ITPRID1: variants seen among roughly 807,000 people sequenced by gnomAD.
ITPRID1 encodes the protein ITPR interacting domain containing 1, also known as protein ITPRID1.
A neutral mutation model predicts 95.4 loss-of-function variants in ITPRID1; 96 were observed. That is an observed-to-expected ratio of 1.01 (90% CI 0.85 to 1.19). The LOEUF is 1.19. Among genes scored for constraint, ITPRID1 ranks in the 50% most tolerant of loss-of-function variants. The pLI is 0.00. For missense variants in ITPRID1, 1,339 were observed against 1,252.9 expected, an observed-to-expected ratio of 1.07 and a Z score of -1.04; for synonymous variants, 510 against 453.6, an observed-to-expected ratio of 1.12 and a Z score of -1.58.
intron 5 of ITPRID1, among the ~76,000 whole-genome samples, chr7:31,558,165 C>CAGAG (rs1165202383): frequency 6.6e-6 from 1 of 152,120 alleles, no homozygotes; most frequent in African/African-American, 2.4e-5. Context: ...CTGCCTTCCA[C>CAGAG]CATGGAATGA....
At chr7:31,598,443 A>G (rs1346053661) in intron 10 of ITPRID1, among the ~76,000 whole-genome samples, 61 of 121,856 alleles carry the variant, frequency 5.0e-4, no homozygotes, top group East Asian at 6.8e-4. Flanking sequence ...TCGCTCTGTC[A>G]CCCAGGCTGG....
At chr7:31,531,884 G>A (rs2128130372) in intron 1 of ITPRID1, among the ~76,000 whole-genome samples, 1 of 152,054 alleles carries the variant, frequency 6.6e-6, no homozygotes, top group South Asian at 2.1e-4. Context: ...TTTTGGGTCA[G>A]GGAGATGAGG....
At chr7:31,603,520 G>A (rs944183949) in intron 10 of ITPRID1, among the ~76,000 whole-genome samples, 15 of 152,066 alleles carry the variant, frequency 9.9e-5, no homozygotes, top group Middle Eastern at 3.4e-3. Flanking sequence ...ATTCACTCTC[G>A]AATGAAAGGG....
At position 31,643,630 on chromosome 7, in the gene ITPRID1, G is replaced by T; in HGVS notation, c.2260G>T (p.Ala754Ser). 1 of 1,614,038 alleles carries T rather than the reference G, an allele frequency of 6.2e-7. No homozygotes were observed. The highest frequency in any genetic ancestry group is 8.5e-7 in the Non-Finnish European group (1 of 1,179,900). The change falls in exon 12 of 15, where the codon GCA becomes TCA. Residue 754 changes from alanine to serine, a missense_variant. By Grantham distance (99) the Ala-to-Ser change is moderately conservative. Coordinates refer to ENST00000615280, the MANE Select transcript of ITPRID1 (RefSeq NM_001257967.3). ...TATETRLGTK[A>S]RQLNDASIQT... Reference sequence around the variant, plus strand: ...AACAGAAACAAGACTGGGGACAAAAGCAAGACAGTTAAATGATGCTTCCAT... The same window carrying T: ...AACAGAAACAAGACTGGGGACAAAATCAAGACAGTTAAATGATGCTTCCAT...
intron 1 of ITPRID1, among the ~76,000 whole-genome samples, chr7:31,537,711 A>G (rs1346897336): frequency 6.6e-6 from 1 of 152,206 alleles, no homozygotes; most frequent in Non-Finnish European, 1.5e-5. Flanking sequence ...CTTCATAATA[A>G]AAATAATTCA....
intron 10 of ITPRID1, among the ~76,000 whole-genome samples, chr7:31,617,598 G>A (rs1000831050): frequency 4.6e-5 from 7 of 152,032 alleles, no homozygotes; most frequent in African/African-American, 1.7e-4. Context: ...ATTAACAGCA[G>A]CTCTTTAGAG....
At position 31,652,515 on chromosome 7, in the gene ITPRID1, T is replaced by C. The variant is rs377033411; in HGVS notation, c.2824-3T>C. On this transcript the variant is annotated splice_polypyrimidine_tract_variant and splice_region_variant and intron_variant, in intron 14 of 14. Transcript: ENST00000615280. ...ACTCTTTTTCCTCTTGTTTTCCTTT[T>C]AGCAGCTGGAGGTTCTCACAGCAGA... 8.6e-4 allele frequency: 1,370 copies of C among 1,586,592 alleles called. 2 individuals carry two copies. Among genetic ancestry groups the C allele is most frequent in the Admixed American group, 1.4e-3 (78 of 56,108 alleles).
intron 10 of ITPRID1, among the ~76,000 whole-genome samples, chr7:31,620,229 CCTGT>C (rs1787714113): frequency 6.6e-6 from 1 of 152,114 alleles, no homozygotes. Context: ...CTTAAATGTC[CCTGT>C]CTGACAGCTT....
intron 10 of ITPRID1, among the ~76,000 whole-genome samples, chr7:31,635,688 C>G (rs931823893): frequency 6.6e-6 from 1 of 151,952 alleles, no homozygotes; most frequent in Admixed American, 6.6e-5. Flanking sequence ...GAAGAAATAC[C>G]CAAGACTGGG....
chr7:31,588,256 C>T (rs1423541761), intron 10 of ITPRID1, among the ~76,000 whole-genome samples: 2 of 152,126 alleles, frequency 1.3e-5, no homozygotes, highest in East Asian at 1.9e-4. Flanking sequence ...AGGAATGGCA[C>T]TGGGTGAGTG....
At chr7:31,519,604 C>CCATATATA (rs1783155888) in intron 1 of ITPRID1, among the ~76,000 whole-genome samples, 1 of 57,908 alleles carries the variant, frequency 1.7e-5, no homozygotes, top group Non-Finnish European at 3.4e-5. Flanking sequence ...CTCTCTCTCT[C>CCATATATA]TCTCTCTCTC....
intron 5 of ITPRID1, among the ~76,000 whole-genome samples, chr7:31,564,067 C>T (rs1784713649): frequency 6.6e-6 from 1 of 152,142 alleles, no homozygotes; most frequent in Non-Finnish European, 1.5e-5. Context: ...TTCCAAAGAA[C>T]CAAATGTCTT....
At chr7:31,525,201 C>T (rs1028152465) in intron 1 of ITPRID1, among the ~76,000 whole-genome samples, 4 of 152,228 alleles carry the variant, frequency 2.6e-5, no homozygotes, top group African/African-American at 4.8e-5. Flanking sequence ...GAAATGGAGA[C>T]ATGCCCAATG....
chr7:31,651,077 C>A, intron 12 of ITPRID1, 65 bp from the exon 13 acceptor site: 2 of 1,555,734 alleles, frequency 1.3e-6, no homozygotes, highest in South Asian at 2.5e-5. Context: ...ACAGGCTCCA[C>A]CATGGTGAGC....
At chr7:31,619,852 G>A (rs924316639) in intron 10 of ITPRID1, among the ~76,000 whole-genome samples, 1 of 152,166 alleles carries the variant, frequency 6.6e-6, no homozygotes, top group South Asian at 2.1e-4. Flanking sequence ...CCCTTTCCTA[G>A]TCAAAGAAAG....
intron 5 of ITPRID1, among the ~76,000 whole-genome samples, chr7:31,556,526 C>T (rs1306038074): frequency 6.6e-6 from 1 of 151,978 alleles, no homozygotes; most frequent in African/African-American, 2.4e-5. Flanking sequence ...TTAATATCAG[C>T]CCCACTGCAT....
chr7:31,563,651 A>G (rs972941840), intron 5 of ITPRID1, among the ~76,000 whole-genome samples: 2 of 152,144 alleles, frequency 1.3e-5, no homozygotes, highest in African/African-American at 4.8e-5. Context: ...CACTGTAGTG[A>G]GAAGAGGAAT....
intron 10 of ITPRID1, among the ~76,000 whole-genome samples, chr7:31,638,610 A>G (rs1789709104): frequency 6.6e-6 from 1 of 152,172 alleles, no homozygotes; most frequent in Admixed American, 6.5e-5. Context: ...TCCTTTCAAT[A>G]CCCTAAAGAT....
rs188103058 is a variant in ITPRID1, at chr7:31,595,839, A to G, written c.1228+12648A>G. ...AAATTTTTATAGGAAAAAAGCCACAAAGTTTTCAAAAAACTGAAAATGCAT... is the reference window on the plus strand; with the variant it reads ...AAATTTTTATAGGAAAAAAGCCACAGAGTTTTCAAAAAACTGAAAATGCAT... On this transcript the variant is annotated intron_variant, in intron 10 of 14. Coordinates refer to ENST00000615280, the MANE Select transcript of ITPRID1 (RefSeq NM_001257967.3). Among the ~76,000 whole-genome samples, 265 of 152,160 alleles carry G rather than the reference A, an allele frequency of 1.7e-3. 1 individual carries two copies. Among genetic ancestry groups the G allele is most frequent in the Non-Finnish European group, 2.9e-3 (199 of 67,936 alleles).
Sources: allele counts gnomAD v4.1 joint callset (sites outside exome capture counted in the v4.1 genomes callset), GRCh38; gene constraint gnomAD v4.1.1; transcripts MANE v1.5; gene names NCBI Gene and HGNC (gene_info 2026-07-23, HGNC 2026-07-21).